Variants in NDST3 observed in about 807,000 individuals in gnomAD.
NDST3 encodes the protein bifunctional heparan sulfate N-deacetylase/N-sulfotransferase 3.
A neutral mutation model predicts 96.1 loss-of-function variants in NDST3; 58 were observed. That is an observed-to-expected ratio of 0.60 (90% confidence interval 0.49 to 0.75). The LOEUF is 0.75. Ranked by LOEUF, NDST3 falls within the 30% of genes least tolerant of loss-of-function variation. The probability of loss-of-function intolerance (pLI) is 0.00; values close to 1 mark genes in which losing one functional copy is unlikely to be tolerated. For missense variants in NDST3, 788 were observed against 1,034.2 expected, an observed-to-expected ratio of 0.76 and a Z score of 3.27; for synonymous variants, 333 against 359.7, an observed-to-expected ratio of 0.93 and a Z score of 0.84.
At chr4:118,153,067 G>A (rs942075490) in intron 6 of NDST3, among the ~76,000 whole-genome samples, 6 of 152,184 alleles carry the variant, frequency 3.9e-5, no homozygotes, top group Non-Finnish European at 5.9e-5. Flanking sequence ...AGGCAGGTGC[G>A]ATGGCAGCTA....
chr4:118,137,925 A>T, intron 4 of NDST3, 129 bp from the exon 5 acceptor site: 1 of 803,860 alleles, frequency 1.2e-6, no homozygotes, highest in Non-Finnish European at 1.8e-6. Flanking sequence ...ATATCACTTT[A>T]ATTTTACCAC....
At chr4:118,113,167 GAATACAGACATT>G (rs1324896673) in intron 3 of NDST3, among the ~76,000 whole-genome samples, 1 of 152,076 alleles carries the variant, frequency 6.6e-6, no homozygotes, top group Non-Finnish European at 1.5e-5. Flanking sequence ...TTACCTACAT[GAATACAGACATT>G]AAAGAGGTCA....
At chr4:118,199,436 C>A (rs1299457544) in intron 6 of NDST3, among the ~76,000 whole-genome samples, 2 of 152,146 alleles carry the variant, frequency 1.3e-5, no homozygotes, top group Admixed American at 1.3e-4. Context: ...TTGTCAAATT[C>A]ATCTGATAGA....
chr4:118,243,843 GC>G (rs1484400534), intron 12 of NDST3, among the ~76,000 whole-genome samples: 6 of 151,990 alleles, frequency 3.9e-5, no homozygotes, highest in African/African-American at 1.4e-4. Flanking sequence ...TCAGCAGCAA[GC>G]TTTTTATTCA....
At chr4:118,110,913 T>C (rs556696358) in intron 3 of NDST3, among the ~76,000 whole-genome samples, 2 of 152,184 alleles carry the variant, frequency 1.3e-5, no homozygotes, top group South Asian at 2.1e-4. Flanking sequence ...GGAATGAACC[T>C]AGGTGTCCAT....
chr4:118,166,231 T>C (rs1735542085), intron 6 of NDST3, among the ~76,000 whole-genome samples: 1 of 151,860 alleles, frequency 6.6e-6, no homozygotes, highest in African/African-American at 2.4e-5. Context: ...ACATTACAAC[T>C]GATCACTGGA....
chr4:118,036,248 T>C (rs1410072897), intron 1 of NDST3, among the ~76,000 whole-genome samples: 1 of 151,528 alleles, frequency 6.6e-6, no homozygotes, highest in African/African-American at 2.4e-5. Context: ...GAAACCTGAT[T>C]GAGTTTCAGC....
intron 2 of NDST3, among the ~76,000 whole-genome samples, chr4:118,096,746 TGAGGTTATGGAGGCTGA>T (rs1729351242): frequency 6.6e-6 from 1 of 151,816 alleles, no homozygotes; most frequent in South Asian, 2.1e-4. Context: ...AATTGGCTTA[TGAGGTTATGGAGGCTGA>T]GAAGTCTCAA....
chr4:118,154,855 A>G (rs955297766), intron 6 of NDST3, among the ~76,000 whole-genome samples: 2 of 152,158 alleles, frequency 1.3e-5, no homozygotes, highest in Non-Finnish European at 2.9e-5. Flanking sequence ...TTCCTTCTTA[A>G]TATGAGTCAG....
intron 6 of NDST3, among the ~76,000 whole-genome samples, chr4:118,185,549 C>A (rs959801891): frequency 6.6e-6 from 1 of 151,716 alleles, no homozygotes; most frequent in Non-Finnish European, 1.5e-5. Context: ...TTAAATTTAA[C>A]AGTTTAATTG....
chr4:118,054,262 C>G lies in NDST3; in HGVS notation c.352C>G (p.Pro118Ala). ...IEIAPGKGDLPVLIDKMKGKY... is the reference protein window; with the variant it reads ...IEIAPGKGDLAVLIDKMKGKY... ...AATTGCCCCTGGAAAGGGAGATCTC[C>G]CAGTGCTTATAGACAAAATGAAAGG... Residue 118 changes from proline (P) to alanine (A), a missense_variant, in exon 2 of 14, where the codon CCA becomes GCA. By Grantham distance (27) the Pro-to-Ala change is conservative. Coordinates refer to ENST00000296499, the MANE Select transcript of NDST3 (RefSeq NM_004784.3). The G allele has an allele frequency of 6.2e-7, 1 of 1,612,448 alleles. No homozygotes were observed. Among genetic ancestry groups the G allele is most frequent in the Non-Finnish European group, 8.5e-7 (1 of 1,179,264 alleles).
At chr4:118,149,536 T>G (rs1734226146) in intron 6 of NDST3, among the ~76,000 whole-genome samples, 2 of 144,856 alleles carry the variant, frequency 1.4e-5, no homozygotes, top group Non-Finnish European at 3.1e-5. Flanking sequence ...GGGAGTTCAC[T>G]CATGATTTGG....
At chr4:118,134,352 A>G (rs1732896119) in intron 4 of NDST3, among the ~76,000 whole-genome samples, 1 of 152,226 alleles carries the variant, frequency 6.6e-6, no homozygotes, top group South Asian at 2.1e-4. Context: ...AATCAGGGAA[A>G]GATTTTGAGT....
At chr4:118,244,953 TATAA>T (rs893422671) in intron 12 of NDST3, among the ~76,000 whole-genome samples, 47 of 152,290 alleles carry the variant, frequency 3.1e-4, no homozygotes, top group African/African-American at 9.4e-4. Context: ...GCTTTAAAAA[TATAA>T]ATAAGAACTT....
At chr4:118,161,599 G>A (rs765740993) in intron 6 of NDST3, among the ~76,000 whole-genome samples, 7 of 152,080 alleles carry the variant, frequency 4.6e-5, no homozygotes, top group South Asian at 4.1e-4. Flanking sequence ...CCCCAGCCTC[G>A]CTGCCGCCTT....
intron 6 of NDST3, among the ~76,000 whole-genome samples, chr4:118,182,706 T>C (rs1432277479): frequency 3.3e-5 from 5 of 152,188 alleles, no homozygotes; most frequent in African/African-American, 7.2e-5. Flanking sequence ...ATGTCTTCAA[T>C]GGTCACAAAG....
rs182633169 is a variant in NDST3 at position 118,155,332 on chromosome 4, T to A, written c.1539+11648T>A. 3.3e-5 allele frequency among the ~76,000 whole-genome samples: 5 copies of A among 152,310 alleles called. No homozygotes were observed. In the East Asian group the frequency reaches 9.6e-4, roughly 29 times the overall value. ...GTAGTTTGCACATTCACCCCATGTC[T>A]ATGTGGGTTTTCTCCTGATACTCTG... On this transcript the variant is annotated intron_variant, in intron 6 of 13. Coordinates refer to ENST00000296499, the MANE Select transcript of NDST3 (RefSeq NM_004784.3).
At chr4:118,252,638 C>A (rs1741820023) in intron 12 of NDST3, among the ~76,000 whole-genome samples, 1 of 152,138 alleles carries the variant, frequency 6.6e-6, no homozygotes. Context: ...CGCCTGTAAT[C>A]CCAGCACTTT....
At chr4:118,116,323 A>G (rs1392869700) in intron 4 of NDST3, among the ~76,000 whole-genome samples, 1 of 152,226 alleles carries the variant, frequency 6.6e-6, no homozygotes, top group Non-Finnish European at 1.5e-5. Flanking sequence ...ACACTAAAGT[A>G]AAGCACCAGT....
Sources: allele counts gnomAD v4.1 joint callset (sites outside exome capture counted in the v4.1 genomes callset), GRCh38; gene constraint gnomAD v4.1.1; transcripts MANE v1.5; gene names NCBI Gene and HGNC (gene_info 2026-07-23, HGNC 2026-07-21).